JAKMIP1: variants seen among roughly 807,000 people sequenced by gnomAD.
JAKMIP1 encodes the protein janus kinase and microtubule-interacting protein 1.
Under a neutral mutation model 113.0 loss-of-function variants are expected in JAKMIP1, and 33 were observed. The ratio of observed to expected loss-of-function variants is 0.29; its 90% CI spans 0.22 to 0.39. JAKMIP1 has a LOEUF of 0.39. JAKMIP1 is among the 10% of genes least tolerant of loss of function. The pLI, the probability that JAKMIP1 is intolerant of heterozygous loss-of-function variation, is 1.00. For synonymous variants in JAKMIP1, 480 were observed against 459.9 expected, an observed-to-expected ratio of 1.04 and a Z score of -0.56; for missense variants, 813 against 1,080.5, an observed-to-expected ratio of 0.75 and a Z score of 3.47.
rs7676948 is a variant in JAKMIP1 at position 6,187,627 on chromosome 4, G to C, written c.-148+12626C>G. On this transcript the variant is annotated intron_variant, in intron 1 of 20. Transcript: ENST00000409021. This position sits in a 1 kb window ranked among gnomAD's most constrained non-coding sequence, Gnocchi z 4.2. Reference sequence around the variant, plus strand: ...AGACTGCTGTCAATGGGGAGGCAGGGCCTCACCAGACACTGAATCTGCCGG... The same window carrying C: ...AGACTGCTGTCAATGGGGAGGCAGGCCCTCACCAGACACTGAATCTGCCGG... 0.44 allele frequency among the ~76,000 whole-genome samples: 67,433 copies of C among 152,134 alleles called. 15,152 individuals are homozygous for C. Among genetic ancestry groups the C allele is most frequent in the Non-Finnish European group, 0.47 (31,775 of 67,970 alleles).
chr4:6,084,682 C>A (rs559732793), intron 5 of JAKMIP1, among the ~76,000 whole-genome samples, 164 bp downstream of exon 5: 1 of 152,176 alleles, frequency 6.6e-6, no homozygotes, highest in Admixed American at 6.5e-5. Context: ...TAAGAGATTT[C>A]TTCAATGAGC....
rs1204070904 is a variant in JAKMIP1 at position 6,155,560 on chromosome 4, C to G, written c.-147-42563G>C. ...AACTGGCTCTGAAAACTTCTAAACGCCCAGCGCTGCTACCTGATTTCCCCT... is the reference window on the plus strand; with the variant it reads ...AACTGGCTCTGAAAACTTCTAAACGGCCAGCGCTGCTACCTGATTTCCCCT... On this transcript the variant is annotated intron_variant, in intron 1 of 20. Coordinates refer to ENST00000409021, the MANE Select transcript of JAKMIP1 (RefSeq NM_001099433.2). The surrounding 1 kb of genome is among the most constrained non-coding windows in gnomAD (Gnocchi z 6.1). Among the ~76,000 whole-genome samples the G allele has an allele frequency of 6.6e-6, 1 of 152,154 alleles. No individual in the cohort carries two copies. Among genetic ancestry groups the G allele is most frequent in the Non-Finnish European group, 1.5e-5 (1 of 68,032 alleles).
At position 6,150,956 on chromosome 4, in the gene JAKMIP1, C is replaced by A. The variant is rs1178993662; in HGVS notation, c.-147-37959G>T. On this transcript the variant is annotated intron_variant, in intron 1 of 20. Coordinates refer to ENST00000409021, the MANE Select transcript of JAKMIP1 (RefSeq NM_001099433.2). This position sits in a 1 kb window ranked among gnomAD's most constrained non-coding sequence, Gnocchi z 4.8. ...CCACCAGTGGGTCCCTGTCATCCAC[C>A]AAAAGCAAAACACCTGGTGAAGGCT... 6.6e-6 allele frequency among the ~76,000 whole-genome samples: 1 copy of A among 152,108 alleles called. No individual in the cohort carries two copies. The highest frequency in any genetic ancestry group is 1.5e-5 in the Non-Finnish European group (1 of 68,020).
rs1036892382 is a variant in JAKMIP1, at chr4:6,154,570, G to A, written c.-147-41573C>T. Among the ~76,000 whole-genome samples, 2 of 151,178 alleles carry A rather than the reference G, an allele frequency of 1.3e-5. No homozygotes were observed. Among genetic ancestry groups the A allele is most frequent in the Admixed American group, 6.6e-5 (1 of 15,210 alleles). ...TTTCAGCCTTGAAAAAGGCAATACC[G>A]AAAAGGCAGACACCAAGAAACTTAG... On this transcript the variant is annotated intron_variant, in intron 1 of 20. Transcript: ENST00000409021. This position sits in a 1 kb window ranked among gnomAD's most constrained non-coding sequence, Gnocchi z 4.2.
At chr4:6,058,275 TAA>T (rs1254544592) in intron 11 of JAKMIP1, among the ~76,000 whole-genome samples, 1 of 152,240 alleles carries the variant, frequency 6.6e-6, no homozygotes, top group Middle Eastern at 3.2e-3. Context: ...TCATAAGTGT[TAA>T]AAATAATAGT....
chr4:6,084,410 T>C (rs1192597297), intron 5 of JAKMIP1, among the ~76,000 whole-genome samples: 1 of 152,194 alleles, frequency 6.6e-6, no homozygotes, highest in Middle Eastern at 3.2e-3. Context: ...TAATTTACTA[T>C]GAACACGTTT....
chr4:6,033,194 G>A (rs1305525955), intron 19 of JAKMIP1, among the ~76,000 whole-genome samples: 1 of 152,198 alleles, frequency 6.6e-6, no homozygotes, highest in African/African-American at 2.4e-5. Flanking sequence ...AGCTGGGGCT[G>A]GGCAGGGGAC....
chr4:6,151,462 C>T (rs1721562632), intron 1 of JAKMIP1, among the ~76,000 whole-genome samples: 2 of 152,128 alleles, frequency 1.3e-5, no homozygotes, highest in Non-Finnish European at 1.5e-5. Flanking sequence ...TCTGCCCAAG[C>T]TGTTCTCTCT....
In JAKMIP1 at chr4:6,080,126, G is replaced by C. The variant is rs1339183978; in HGVS notation, c.1242+46C>G. 2 of 1,536,388 alleles carry C rather than the reference G, an allele frequency of 1.3e-6. No individual in the cohort carries two copies. Among genetic ancestry groups the C allele is most frequent in the South Asian group, 1.3e-5 (1 of 79,954 alleles). On this transcript the variant is annotated intron_variant, in intron 7 of 20. Coordinates refer to ENST00000409021, the MANE Select transcript of JAKMIP1 (RefSeq NM_001099433.2). This position sits in a 1 kb window ranked among gnomAD's most constrained non-coding sequence, Gnocchi z 6.0. ...CCGTTCCTGACACCCATGTCAGCTG[G>C]TGCCACCCCTGCCAGGGGCAGCCGC...
rs778864093 is a variant in JAKMIP1 at position 6,064,682 on chromosome 4, A to G, written c.1431+198T>C. On this transcript the variant is annotated intron_variant, in intron 9 of 20. Coordinates refer to ENST00000409021, the MANE Select transcript of JAKMIP1 (RefSeq NM_001099433.2). This position sits in a 1 kb window ranked among gnomAD's most constrained non-coding sequence, Gnocchi z 4.3. The stretch of plus-strand genomic sequence containing the variant: ...AAGGGTCCCCACGTGCTGCCCTCCC[A>G]TCGCCATTCATGGAGCCCACAGCTG... Among the ~76,000 whole-genome samples, 1 of 152,022 alleles carries G rather than the reference A, an allele frequency of 6.6e-6. No individual in the cohort carries two copies. Among genetic ancestry groups the G allele is most frequent in the African/African-American group, 2.4e-5 (1 of 41,402 alleles).
chr4:6,134,894 C>A (rs921486925), intron 1 of JAKMIP1, among the ~76,000 whole-genome samples: 5 of 151,584 alleles, frequency 3.3e-5, no homozygotes, highest in African/African-American at 1.2e-4. Context: ...AAAGACAGCC[C>A]AAAACACGCA....
Position 6,089,365 on chromosome 4 carries a change from G to A in JAKMIP1, c.625-3736C>T, listed in dbSNP as rs1228718917. Among the ~76,000 whole-genome samples the A allele has an allele frequency of 3.3e-5, 5 of 152,224 alleles. No individual in the cohort carries two copies. Among genetic ancestry groups the A allele is most frequent in the Non-Finnish European group, 7.3e-5 (5 of 68,040 alleles). On this transcript the variant is annotated intron_variant, in intron 3 of 20. Coordinates refer to ENST00000409021, the MANE Select transcript of JAKMIP1 (RefSeq NM_001099433.2). This position sits in a 1 kb window ranked among gnomAD's most constrained non-coding sequence, Gnocchi z 5.3. ...ATCACAATCAACAGAGTTCAGGGAA[G>A]AACGACAAACTTGATGTTGGCTATC...
rs1209581960 is a variant in JAKMIP1 at position 6,180,276 on chromosome 4, C to CA, written c.-148+19976dup. On this transcript the variant is annotated intron_variant, in intron 1 of 20. Transcript: ENST00000409021. The surrounding 1 kb of genome is among the most constrained non-coding windows in gnomAD (Gnocchi z 4.5). Reference sequence around the variant, plus strand: ...TGCTACTCGTAACATTCAGAACCCACAAAAAATTCTCATCAAATAGAAATG... The same window carrying CA: ...TGCTACTCGTAACATTCAGAACCCACAAAAAAATTCTCATCAAATAGAAATG... 1.3e-5 allele frequency among the ~76,000 whole-genome samples: 2 copies of CA among 152,286 alleles called. No homozygotes were observed. The highest frequency in any genetic ancestry group is 6.5e-5 in the Admixed American group (1 of 15,294).
At chr4:6,052,843 T>C (rs540565567) in intron 13 of JAKMIP1, among the ~76,000 whole-genome samples, 8 of 152,224 alleles carry the variant, frequency 5.3e-5, no homozygotes, top group Non-Finnish European at 1.2e-4. Context: ...TAACTTCCAA[T>C]TCTGTCGCAC....
At position 6,094,845 on chromosome 4, in the gene JAKMIP1, A is replaced by C. The variant is rs1382476568; in HGVS notation, c.625-9216T>G. On this transcript the variant is annotated intron_variant, in intron 3 of 20. Coordinates refer to ENST00000409021, the MANE Select transcript of JAKMIP1 (RefSeq NM_001099433.2). The surrounding 1 kb of genome is among the most constrained non-coding windows in gnomAD (Gnocchi z 4.2). ...CTTGTCTCTGCAAAAAATACAAAAA[A>C]ATTAGCTGGGCATAGGTGGTCCTGG... 6.6e-6 allele frequency among the ~76,000 whole-genome samples: 1 copy of C among 152,032 alleles called. No homozygotes were observed. The highest frequency in any genetic ancestry group is 2.4e-5 in the African/African-American group (1 of 41,372).
intron 1 of JAKMIP1, among the ~76,000 whole-genome samples, chr4:6,115,055 G>T (rs1240069149): frequency 1.3e-5 from 2 of 152,322 alleles, no homozygotes; most frequent in East Asian, 3.9e-4. Context: ...TGATGTCTAA[G>T]CCCCGACAGA....
intron 1 of JAKMIP1, among the ~76,000 whole-genome samples, chr4:6,195,612 G>T (rs887628096): frequency 1.3e-5 from 2 of 152,100 alleles, no homozygotes; most frequent in Non-Finnish European, 2.9e-5. Context: ...AAGAACATGG[G>T]CTTCTTGGCT....
Position 6,155,648 on chromosome 4 carries a change from TACA to T in JAKMIP1, c.-147-42654_-147-42652del, listed in dbSNP as rs1722142644. ...CAGGGACATGCACGGATGTGCTGTT[TACA>T]ACAAGGAAAATAAGCAGCCAACTAA... On this transcript the variant is annotated intron_variant, in intron 1 of 20. Transcript: ENST00000409021. This position sits in a 1 kb window ranked among gnomAD's most constrained non-coding sequence, Gnocchi z 6.1. Among the ~76,000 whole-genome samples, 2 of 152,232 alleles carry T rather than the reference TACA, an allele frequency of 1.3e-5. No homozygotes were observed. The highest frequency in any genetic ancestry group is 2.1e-4 in the South Asian group (1 of 4,834).
chr4:6,146,961 T>A (rs993551680), intron 1 of JAKMIP1, among the ~76,000 whole-genome samples: 2 of 152,296 alleles, frequency 1.3e-5, no homozygotes, highest in Admixed American at 6.5e-5. Context: ...AATTCAGTTT[T>A]TTTTTGTTTT....
Sources: allele counts gnomAD v4.1 joint callset (sites outside exome capture counted in the v4.1 genomes callset), GRCh38; gene constraint gnomAD v4.1.1; non-coding constraint Gnocchi (gnomAD v3.1); transcripts MANE v1.5; gene names NCBI Gene and HGNC (gene_info 2026-07-23, HGNC 2026-07-21).